The following DZIP3 variants were observed in gnomAD, a reference collection of about 807,000 sequenced individuals.
DZIP3 encodes E3 ubiquitin-protein ligase DZIP3.
In DZIP3, 118 loss-of-function variants were observed where a neutral mutation model predicts 162.0. That is an observed-to-expected ratio of 0.73 (90% CI 0.63 to 0.85). The LOEUF (loss-of-function observed/expected upper bound fraction) is 0.85. Among genes scored for constraint, DZIP3 ranks in the 40% least tolerant of loss-of-function variants. The pLI, the probability that DZIP3 is intolerant of heterozygous loss-of-function variation, is 0.00. For missense variants in DZIP3, 1,331 were observed against 1,407.0 expected (o/e 0.95, Z 0.86); for synonymous variants, 438 against 458.6 (o/e 0.96, Z 0.57).
intron 4 of DZIP3, among the ~76,000 whole-genome samples, 185 bp downstream of exon 4, chr3:108,611,514 C>T (rs182430180): frequency 2.6e-5 from 4 of 152,254 alleles, no homozygotes; most frequent in Admixed American, 1.3e-4. Context: ...CAAATAGAGT[C>T]ATTTGGTGCT....
intron 5 of DZIP3, among the ~76,000 whole-genome samples, chr3:108,622,870 C>CTG (rs1363585085): frequency 7.9e-6 from 1 of 126,926 alleles, no homozygotes; most frequent in African/African-American, 3.1e-5. Flanking sequence ...CTCTCTCTCT[C>CTG]TCTCTCTCTC....
chr3:108,689,873 G>A (rs983646728), intron 31 of DZIP3, among the ~76,000 whole-genome samples: 1 of 152,028 alleles, frequency 6.6e-6, no homozygotes, highest in Non-Finnish European at 1.5e-5. Flanking sequence ...GGCTTTTCAG[G>A]GAAGTAAATA....
At chr3:108,608,030 A>G (rs1940477456) in intron 2 of DZIP3, 59 bp from the exon 3 acceptor site, 7 of 1,389,108 alleles carry the variant, frequency 5.0e-6, no homozygotes, top group Non-Finnish European at 7.1e-6. Context: ...CTTTACTACT[A>G]CAATTTGTGT....
intron 4 of DZIP3, among the ~76,000 whole-genome samples, chr3:108,613,735 T>A (rs1338737964): frequency 6.6e-6 from 1 of 152,144 alleles, no homozygotes; most frequent in Non-Finnish European, 1.5e-5. Flanking sequence ...GGCCATATGC[T>A]AGGTCACAAA....
chr3:108,657,660 G>A (rs1210986437), intron 19 of DZIP3, among the ~76,000 whole-genome samples: 5 of 152,174 alleles, frequency 3.3e-5, no homozygotes, highest in Non-Finnish European at 7.3e-5. Context: ...AAATGTAAAT[G>A]GGTTAAATGC....
At chr3:108,647,557 C>A (rs1012844536) in intron 15 of DZIP3, among the ~76,000 whole-genome samples, 7 of 152,114 alleles carry the variant, frequency 4.6e-5, no homozygotes, top group Admixed American at 3.3e-4. Flanking sequence ...AAAAATAGAT[C>A]TTTTGTCTTC....
chr3:108,657,349 A>ATGTTT (rs1174410510), intron 19 of DZIP3, among the ~76,000 whole-genome samples: 2 of 152,214 alleles, frequency 1.3e-5, no homozygotes, highest in African/African-American at 4.8e-5. Flanking sequence ...TTCTTAAAGA[A>ATGTTT]AAGAATTTTC....
In DZIP3 at chr3:108,622,880, C is replaced by CTCTCTCTCTCTGTGTGTG. The variant is rs796232998; in HGVS notation, c.376-1563_376-1562insCTCTCTCTCTGTGTGTGT. ...TCTCTCTCTCTCTCTCTCTCTCTCTCTGTGTGTGTGTGTGTGTATGGAGCT... is the reference window on the plus strand; with the variant it reads ...TCTCTCTCTCTCTCTCTCTCTCTCTCTCTCTCTCTCTGTGTGTGTGTGTGTGTGTGTGTGTATGGAGCT... On this transcript the variant is annotated intron_variant, in intron 5 of 32. Coordinates refer to ENST00000361582, the MANE Select transcript of DZIP3 (RefSeq NM_014648.4). Among the ~76,000 whole-genome samples the CTCTCTCTCTCTGTGTGTG allele has an allele frequency of 5.4e-3, 284 of 53,066 alleles. 4 individuals carry two copies. The highest frequency in any genetic ancestry group is 8.4e-3 in the Non-Finnish European group (237 of 28,078). 34.8% of individuals were successfully genotyped at this position (53,066 alleles called of 152,430 possible).
intron 6 of DZIP3, 142 bp downstream of exon 6, chr3:108,624,666 A>T (rs1941514057): frequency 2.1e-6 from 1 of 469,882 alleles, no homozygotes; most frequent in Non-Finnish European, 3.8e-6. Context: ...TTATCTTTTG[A>T]ATGCTTACCA....
chr3:108,593,326 A>G (rs1559711961), intron 1 of DZIP3, among the ~76,000 whole-genome samples: 1 of 152,206 alleles, frequency 6.6e-6, no homozygotes, highest in Non-Finnish European at 1.5e-5. Flanking sequence ...CTAAGATAGG[A>G]AGGGGAAGTA....
chr3:108,598,359 GT>G (rs1939815057), intron 1 of DZIP3, among the ~76,000 whole-genome samples: 3 of 152,138 alleles, frequency 2.0e-5, no homozygotes, highest in Admixed American at 1.3e-4. Flanking sequence ...TTCCATAGTT[GT>G]GTAAAGATCA....
chr3:108,630,102 T>C (rs913241939), intron 8 of DZIP3, among the ~76,000 whole-genome samples: 1 of 152,096 alleles, frequency 6.6e-6, no homozygotes, highest in Non-Finnish European at 1.5e-5. Flanking sequence ...TGTACCACTT[T>C]ATATTCTTCA....
At chr3:108,631,055 A>ACACACACAGACACTCTCTCTCTCT in intron 8 of DZIP3, among the ~76,000 whole-genome samples, 1 of 18,014 alleles carries the variant, frequency 5.6e-5, no homozygotes, top group Non-Finnish European at 9.0e-5. Flanking sequence ...ACACACACAC[A>ACACACACAGACACTCTCTCTCTCT]CTCTCTCTCT....
chr3:108,658,272 GA>G (rs1424301422), intron 19 of DZIP3, among the ~76,000 whole-genome samples: 8 of 152,168 alleles, frequency 5.3e-5, no homozygotes, highest in African/African-American at 1.9e-4. Context: ...TAAAAGAACA[GA>G]AATTATAACA....
rs762248619 is a variant in DZIP3 at position 108,611,192 on chromosome 3, A to G, written c.121A>G (p.Ile41Val). The G allele has an allele frequency of 6.3e-7, 1 of 1,594,392 alleles. No individual in the cohort carries two copies. The highest frequency in any genetic ancestry group is 2.2e-5 in the East Asian group (1 of 44,542). Residue 41 changes from isoleucine (I) to valine (V), a missense_variant, in exon 4 of 33, where the codon ATA (isoleucine) becomes GTA (valine). Coordinates refer to ENST00000361582, the MANE Select transcript of DZIP3 (RefSeq NM_014648.4). ...SGQLNKQEND[I>V]PTDLVPVNLL... is the part of the protein sequence containing the mutation. ...CTTCTAGAACAAACAGGAAAATGAC[A>G]TACCTACTGATCTTGTCCCTGTTAA... is the stretch of plus-strand genomic sequence containing the variant.
chr3:108,661,935 G>A lies in DZIP3; in HGVS notation c.2258G>A (p.Arg753His), dbSNP rs144458628. ...GAAACTGAAAAGGAAAGGCTTGCTCGTCAAAGGCAGCTTTATAAATTGCAC... is the reference window on the plus strand; with the variant it reads ...GAAACTGAAAAGGAAAGGCTTGCTCATCAAAGGCAGCTTTATAAATTGCAC... ...YGETEKERLA[R>H]QRQLYKLHYQ... The change falls in exon 20 of 33, where the codon CGT (arginine) becomes CAT (histidine). Residue 753 changes from arginine to histidine, a missense_variant. Physicochemically the swap from Arg to His is conservative, Grantham distance 29 (BLOSUM62 0). Around this residue, in one of 2 missense-constraint regions of DZIP3, gnomAD observed 1,278 missense variants for 1,317.1 expected, o/e 0.97. Coordinates refer to ENST00000361582, the MANE Select transcript of DZIP3 (RefSeq NM_014648.4). 1.2e-4 allele frequency: 189 copies of A among 1,614,002 alleles called. No homozygotes were observed. The highest frequency in any genetic ancestry group is 1.4e-4 in the Non-Finnish European group (163 of 1,179,932).
chr3:108,677,399 T>C (rs1299836970), intron 25 of DZIP3, 98 bp from the exon 26 acceptor site: 1 of 978,746 alleles, frequency 1.0e-6, no homozygotes, highest in Admixed American at 1.9e-5. Flanking sequence ...GCAACCACTC[T>C]TGTATGTTGT....
rs775429848 is a variant in DZIP3, at chr3:108,642,441, T to C, written c.1068T>C (p.Tyr356=). 6.1e-6 allele frequency: 9 copies of C among 1,478,548 alleles called. No homozygotes were observed. In the African/African-American group the frequency reaches 1.3e-4, roughly 21 times the overall value. The allele number at this position is 1,478,548 out of a possible 1,614,324, so 91.6% of individuals were successfully genotyped here. ...CTTAATTTTTTTCCTTTTGCAGTTA[T>C]AGAAAGTTGATATCTCTGAAAATAA... ...YITIENLGAS[Y]RKLISLKITD... is the part of the protein sequence containing the mutation. The change falls in exon 13 of 33, where the codon TAT becomes TAC. Residue 356 remains tyrosine (Y), a synonymous_variant. Transcript: ENST00000361582.
chr3:108,683,560 A>G (rs1944394381), intron 26 of DZIP3, among the ~76,000 whole-genome samples: 1 of 152,160 alleles, frequency 6.6e-6, no homozygotes, highest in South Asian at 2.1e-4. Context: ...CCAGCCAGCA[A>G]GGTATCTTTT....
Sources: gnomAD v4.1 joint callset for allele counts (sites outside exome capture counted in the v4.1 genomes callset) on GRCh38, gnomAD v4.1.1 for gene constraint, gnomAD v4.1.1 regional missense constraint, MANE v1.5 for transcripts, NCBI Gene and HGNC (gene_info 2026-07-23, HGNC 2026-07-21) for gene names.